Variants in TNFRSF8 observed in about 807,000 individuals in gnomAD.
TNFRSF8 encodes tumor necrosis factor receptor superfamily member 8.
Under a neutral mutation model 70.8 loss-of-function variants are expected in TNFRSF8, and 26 were observed. The ratio of observed to expected loss-of-function variants is 0.37; its 90% CI spans 0.27 to 0.51. TNFRSF8 has a LOEUF of 0.51. Ranked by LOEUF, TNFRSF8 falls within the 20% of genes least tolerant of loss-of-function variation. The probability of loss-of-function intolerance (pLI) is 0.94; values close to 1 mark genes in which losing one functional copy is unlikely to be tolerated. For missense variants in TNFRSF8, 720 were observed against 807.9 expected, an observed-to-expected ratio of 0.89 and a Z score of 1.32; for synonymous variants, 356 against 339.2, an observed-to-expected ratio of 1.05 and a Z score of -0.54.
Position 12,113,239 on chromosome 1 carries a change from C to T in TNFRSF8, c.793+1225C>T, listed in dbSNP as rs1244207065. 6.6e-6 allele frequency among the ~76,000 whole-genome samples: 1 copy of T among 152,190 alleles called. No individual in the cohort carries two copies. Among genetic ancestry groups the T allele is most frequent in the Non-Finnish European group, 1.5e-5 (1 of 68,036 alleles). On this transcript the variant is annotated intron_variant, in intron 7 of 14. Transcript: ENST00000263932. This position sits in a 1 kb window ranked among gnomAD's most constrained non-coding sequence, Gnocchi z 4.9. ...GGTTGATGTTGGCTCCTGGCTGCAG[C>T]CTTGGTTCCCTTCCATGTCGGCCTC...
At chr1:12,099,705 T>C (rs540130668) in intron 3 of TNFRSF8, among the ~76,000 whole-genome samples, 1 of 151,630 alleles carries the variant, frequency 6.6e-6, no homozygotes, top group African/African-American at 2.4e-5. Flanking sequence ...CCTAGATTAG[T>C]GTACTTACAC....
chr1:12,131,450 AAAAC>A lies in TNFRSF8; in HGVS notation c.1310-4118_1310-4115del, dbSNP rs928397317. ...GAGCAACAGAGCGAGCCTCCGTCTCAAAACAAACAAACAAACAAACAAAAAAACA... is the reference window on the plus strand; with the variant it reads ...GAGCAACAGAGCGAGCCTCCGTCTCAAAACAAACAAACAAACAAAAAAACA... On this transcript the variant is annotated intron_variant, in intron 12 of 14. Transcript: ENST00000263932. Among the ~76,000 whole-genome samples the A allele has an allele frequency of 2.0e-4, 30 of 152,324 alleles. 1 individual carries two copies. The highest frequency in any genetic ancestry group is 1.4e-3 in the Admixed American group (21 of 15,298).
chr1:12,069,696 C>T (rs1045739258), intron 1 of TNFRSF8, among the ~76,000 whole-genome samples: 1 of 152,182 alleles, frequency 6.6e-6, no homozygotes, highest in Non-Finnish European at 1.5e-5. Flanking sequence ...TTCTGCATGC[C>T]AGGAAGCACT....
At chr1:12,126,681 G>GA (rs1220832581) in intron 12 of TNFRSF8, among the ~76,000 whole-genome samples, 2 of 152,152 alleles carry the variant, frequency 1.3e-5, no homozygotes, top group Non-Finnish European at 2.9e-5. Context: ...GGCAGGAGGG[G>GA]AAAGGAGCAC....
chr1:12,076,862 G>C (rs777951630), intron 1 of TNFRSF8, among the ~76,000 whole-genome samples: 2 of 152,150 alleles, frequency 1.3e-5, no homozygotes, highest in Admixed American at 1.3e-4. Context: ...TACTGAGTTC[G>C]GCGTGTGGTG....
At chr1:12,139,242 C>T (rs555231887) in intron 14 of TNFRSF8, among the ~76,000 whole-genome samples, 131 of 152,270 alleles carry the variant, frequency 8.6e-4, no homozygotes, top group Admixed American at 1.8e-3. Context: ...TCAAGGCTGA[C>T]AGCAAGTTGT....
intron 14 of TNFRSF8, among the ~76,000 whole-genome samples, chr1:12,140,495 G>A (rs1365607201): frequency 6.6e-6 from 1 of 152,166 alleles, no homozygotes; most frequent in Admixed American, 6.5e-5. Flanking sequence ...GCTCTGGGGA[G>A]GGGGCAGGAA....
chr1:12,120,341 C>T (rs956156754), intron 8 of TNFRSF8, among the ~76,000 whole-genome samples: 1 of 152,020 alleles, frequency 6.6e-6, no homozygotes, highest in Non-Finnish European at 1.5e-5. Flanking sequence ...AGGAAGGCTC[C>T]GAGGAAGTGT....
Position 12,120,477 on chromosome 1 carries a change from GGAAAAGAAAAA to G in TNFRSF8, c.947-2804_947-2794del, listed in dbSNP as rs1303689441. On this transcript the variant is annotated intron_variant, in intron 8 of 14. Transcript: ENST00000263932. ...AAAGAAAGGCAATTGAAAACTCCCG[GGAAAAGAAAAA>G]GATGACAAGAAATATACAGTCCAAA... Among the ~76,000 whole-genome samples, 3 of 152,062 alleles carry G rather than the reference GGAAAAGAAAAA, an allele frequency of 2.0e-5. 1 individual carries two copies. Among genetic ancestry groups the G allele is most frequent in the Non-Finnish European group, 4.4e-5 (3 of 68,010 alleles).
intron 12 of TNFRSF8, among the ~76,000 whole-genome samples, chr1:12,131,544 C>T (rs909078047): frequency 4.3e-4 from 65 of 152,120 alleles, no homozygotes; most frequent in African/African-American, 1.1e-3. Flanking sequence ...CAGGGTGTCA[C>T]TCTGGAGTGC....
chr1:12,135,543 G>A lies in TNFRSF8; in HGVS notation c.1310-45G>A, dbSNP rs200774718. 628 of 1,607,982 alleles carry A rather than the reference G, an allele frequency of 3.9e-4. 3 individuals are homozygous for A. In the African/African-American group the frequency reaches 7.6e-3, roughly 19 times the overall value. ...AATAGTTGGGGCGGGTGGGGCCGGGGGCTGCCAGACTCCTTGGTGAAGTTG... is the reference window on the plus strand; with the variant it reads ...AATAGTTGGGGCGGGTGGGGCCGGGAGCTGCCAGACTCCTTGGTGAAGTTG... On this transcript the variant is annotated intron_variant, in intron 12 of 14. Transcript: ENST00000263932.
In TNFRSF8 at chr1:12,141,627, G is replaced by C. The variant is rs1206411239; in HGVS notation, c.1544-660G>C. ...TTCTGCAGGATGTGACAGGCTGGCT[G>C]AGTTTGCCCGGACCGAGGGGACTCC... On this transcript the variant is annotated intron_variant, in intron 14 of 14. Transcript: ENST00000263932. The surrounding 1 kb of genome is among the most constrained non-coding windows in gnomAD (Gnocchi z 5.4). Among the ~76,000 whole-genome samples the C allele has an allele frequency of 6.6e-6, 1 of 152,248 alleles. No individual in the cohort carries two copies. The highest frequency in any genetic ancestry group is 1.5e-5 in the Non-Finnish European group (1 of 68,044).
At chr1:12,136,732 C>T (rs575188971) in intron 13 of TNFRSF8, among the ~76,000 whole-genome samples, 1 of 151,726 alleles carries the variant, frequency 6.6e-6, no homozygotes, top group Non-Finnish European at 1.5e-5. Flanking sequence ...AGGTTGGTGC[C>T]ATTTGCCATT....
Position 12,133,479 on chromosome 1 carries a change from C to T in TNFRSF8, c.1310-2109C>T, listed in dbSNP as rs182116073. On this transcript the variant is annotated intron_variant, in intron 12 of 14. Coordinates refer to ENST00000263932, the MANE Select transcript of TNFRSF8 (RefSeq NM_001243.5). ...TGCCTCGGCCGGGTGCCGTGGCTCA[C>T]GCCTGTAATCCCAGCACTTTGGGAG... is the stretch of plus-strand genomic sequence containing the variant. Among the ~76,000 whole-genome samples, 746 of 152,012 alleles carry T rather than the reference C, an allele frequency of 4.9e-3. 3 individuals carry two copies. The highest frequency in any genetic ancestry group is 6.1e-3 in the Non-Finnish European group (413 of 67,964).
chr1:12,142,700 C>A lies in TNFRSF8; in HGVS notation c.*169C>A. The A allele has an allele frequency of 2.2e-6, 2 of 893,596 alleles. No individual in the cohort carries two copies. Among genetic ancestry groups the A allele is most frequent in the Non-Finnish European group, 1.6e-6 (1 of 606,256 alleles). 55.4% of individuals were successfully genotyped at this position (893,596 alleles called of 1,614,324 possible). A position where few individuals can be genotyped will look rare whatever the true frequency, so the allele number is the denominator to read the frequency against. The stretch of plus-strand genomic sequence containing the variant: ...GCAGGGGTCTGGTGGTCTCTGCTTG[C>A]ATCCCCAACTTAGCTGTCCCCTGAC... On this transcript the variant is annotated 3_prime_UTR_variant, in exon 15 of 15. Coordinates refer to ENST00000263932, the MANE Select transcript of TNFRSF8 (RefSeq NM_001243.5). The surrounding 1 kb of genome is among the most constrained non-coding windows in gnomAD (Gnocchi z 5.0).
chr1:12,095,817 C>G (rs1570018363), intron 2 of TNFRSF8, among the ~76,000 whole-genome samples: 1 of 152,222 alleles, frequency 6.6e-6, no homozygotes, highest in East Asian at 1.9e-4. Context: ...GGCTCCCTAA[C>G]AGAGAAGTCC....
rs931756012 is a variant in TNFRSF8 at position 12,096,982 on chromosome 1, G to A, written c.152-119G>A. ...CCATAACACAAGAATTGGACTGACA[G>A]TTTTCGGGGGTTGGAGGTGGAGCTG... On this transcript the variant is annotated intron_variant, in intron 2 of 14. Coordinates refer to ENST00000263932, the MANE Select transcript of TNFRSF8 (RefSeq NM_001243.5). 14 of 722,416 alleles carry A rather than the reference G, an allele frequency of 1.9e-5. No homozygotes were observed. The African/African-American group carries it at 2.3e-4, about 12-fold the overall frequency. The allele number at this position is 722,416 out of a possible 1,614,324, so 44.8% of individuals were successfully genotyped here.
In TNFRSF8 at chr1:12,084,231, C is replaced by T. The variant is rs533995010; in HGVS notation, c.64-233C>T. 2.0e-5 allele frequency among the ~76,000 whole-genome samples: 3 copies of T among 152,150 alleles called. No individual in the cohort carries two copies. In the South Asian group the frequency reaches 6.2e-4, roughly 32 times the overall value. On this transcript the variant is annotated intron_variant, in intron 1 of 14. Transcript: ENST00000263932. Reference sequence around the variant, plus strand: ...GTATGAAAAGGGCCAGGAGAATTTGCTGATAGGTTGTTTGAGAGGAGAGAG... The same window carrying T: ...GTATGAAAAGGGCCAGGAGAATTTGTTGATAGGTTGTTTGAGAGGAGAGAG...
intron 2 of TNFRSF8, among the ~76,000 whole-genome samples, chr1:12,086,016 G>C (rs1304629917): frequency 2.6e-5 from 4 of 152,218 alleles, no homozygotes; most frequent in Non-Finnish European, 5.9e-5. Flanking sequence ...GAGGACAGCA[G>C]GCCATTGCAA....
Sources: gnomAD v4.1 joint callset for allele counts (sites outside exome capture counted in the v4.1 genomes callset) on GRCh38, gnomAD v4.1.1 for gene constraint, Gnocchi (gnomAD v3.1) non-coding constraint, MANE v1.5 for transcripts, NCBI Gene and HGNC (gene_info 2026-07-23, HGNC 2026-07-21) for gene names.